Variants in BCAP29 observed in about 807,000 individuals in gnomAD.
The protein encoded by BCAP29 is B-cell receptor-associated protein 29.
A neutral mutation model predicts 31.8 loss-of-function variants in BCAP29; 34 were observed. The observed-to-expected ratio is 1.07, with a 90% CI of 0.81 to 1.42. BCAP29 has a LOEUF of 1.42. Ranked by LOEUF, BCAP29 falls within the 40% of genes most tolerant of loss-of-function variation. BCAP29 has a pLI of 0.00. For missense variants in BCAP29, 314 were observed against 269.2 expected (o/e 1.17, Z -1.16); for synonymous variants, 104 against 91.3 (o/e 1.14, Z -0.79).
In BCAP29 at chr7:107,605,779, C is replaced by T. The variant is rs575528755; in HGVS notation, c.589+5274C>T. ...CCTAGATATGCATGTTTACTACAAT[C>T]CTTCATGGTAAATACTTTTCTAATG... On this transcript the variant is annotated intron_variant, in intron 6 of 7. Transcript: ENST00000005259. Among the ~76,000 whole-genome samples the T allele has an allele frequency of 5.3e-5, 8 of 152,254 alleles. 2 individuals are homozygous for T. The highest frequency in any genetic ancestry group is 1.9e-4 in the African/African-American group (8 of 41,538).
At chr7:107,592,433 A>C (rs889837331) in intron 3 of BCAP29, among the ~76,000 whole-genome samples, 2 of 152,236 alleles carry the variant, frequency 1.3e-5, no homozygotes, top group African/African-American at 4.8e-5. Flanking sequence ...AAATATAATA[A>C]CAAGTGTTGC....
At chr7:107,601,213 TAA>T (rs1197934502) in intron 6 of BCAP29, among the ~76,000 whole-genome samples, 1 of 152,232 alleles carries the variant, frequency 6.6e-6, no homozygotes, top group Admixed American at 6.5e-5. Flanking sequence ...AAACTCAGTG[TAA>T]GTTTGTGGCT....
chr7:107,609,453 G>C (rs574715760), intron 6 of BCAP29, among the ~76,000 whole-genome samples: 35 of 152,282 alleles, frequency 2.3e-4, no homozygotes, highest in African/African-American at 8.4e-4. Flanking sequence ...TGAGGACAGT[G>C]GTCACAGAGC....
intron 2 of BCAP29, among the ~76,000 whole-genome samples, chr7:107,582,931 G>A (rs1026196903): frequency 1.7e-4 from 26 of 151,982 alleles, no homozygotes; most frequent in Admixed American, 1.1e-3. Flanking sequence ...AAAATGAACC[G>A]ATTCATCTGT....
chr7:107,614,942 A>G (rs1352775878), intron 7 of BCAP29, among the ~76,000 whole-genome samples: 1 of 152,246 alleles, frequency 6.6e-6, no homozygotes, highest in Non-Finnish European at 1.5e-5. Flanking sequence ...GTCACTTCAG[A>G]GACCTCTTGC....
At chr7:107,585,861 C>T (rs142924653) in intron 3 of BCAP29, among the ~76,000 whole-genome samples, 2,087 of 152,082 alleles carry the variant, frequency 0.014, 43 homozygotes, top group African/African-American at 0.046. Flanking sequence ...CATGGGGGCG[C>T]GTGCCTGTAA....
At chr7:107,580,990 A>G in intron 2 of BCAP29, 126 bp downstream of exon 2, 1 of 571,176 alleles carries the variant, frequency 1.8e-6, no homozygotes, top group East Asian at 3.4e-5. Context: ...CGAATTAGGT[A>G]GTATATAATG....
intron 4 of BCAP29, 28 bp downstream of exon 4, chr7:107,594,133 A>G (rs774954760): frequency 6.4e-7 from 1 of 1,562,174 alleles, no homozygotes; most frequent in African/African-American, 1.4e-5. Flanking sequence ...ATAGAAGCAC[A>G]ATTTAAAAAC....
chr7:107,600,591 A>G, intron 6 of BCAP29, 86 bp downstream of exon 6: 1 of 686,078 alleles, frequency 1.5e-6, no homozygotes, highest in Non-Finnish European at 2.4e-6. Context: ...AAACAAAACT[A>G]ATGCCTAAAT....
chr7:107,613,596 G>A, intron 7 of BCAP29, 164 bp downstream of exon 7: 1 of 1,493,094 alleles, frequency 6.7e-7, no homozygotes. Flanking sequence ...GTAAAGATTA[G>A]GACATTGCAG....
intron 5 of BCAP29, among the ~76,000 whole-genome samples, chr7:107,599,314 T>TATATATATATAA (rs1440512607): frequency 9.5e-6 from 1 of 105,398 alleles, no homozygotes; most frequent in Non-Finnish European, 1.6e-5. Context: ...AAATTTTATA[T>TATATATATATAA]ATATATATAT....
chr7:107,598,621 G>A (rs1326581019), intron 5 of BCAP29, among the ~76,000 whole-genome samples: 1 of 152,020 alleles, frequency 6.6e-6, no homozygotes, highest in Non-Finnish European at 1.5e-5. Context: ...AAAAATATTT[G>A]CATGTAGTCA....
chr7:107,599,337 G>GCA (rs1232849860), intron 5 of BCAP29, among the ~76,000 whole-genome samples: 1 of 49,484 alleles, frequency 2.0e-5, no homozygotes. Context: ...ATATATATAT[G>GCA]CACACATATA....
At chr7:107,580,958 CTT>C in intron 2 of BCAP29, 94 bp downstream of exon 2, 1 of 876,876 alleles carries the variant, frequency 1.1e-6, no homozygotes, top group Non-Finnish European at 1.7e-6. Context: ...TTTCGAAAGT[CTT>C]TGAAAATAAA....
At chr7:107,589,850 C>T (rs1474651953) in intron 3 of BCAP29, among the ~76,000 whole-genome samples, 4 of 152,152 alleles carry the variant, frequency 2.6e-5, no homozygotes, top group Non-Finnish European at 4.4e-5. Context: ...GACAGACTTT[C>T]GCTTTGTTGC....
intron 6 of BCAP29, among the ~76,000 whole-genome samples, chr7:107,612,207 A>C (rs1006676830): frequency 2.0e-5 from 3 of 151,702 alleles, no homozygotes; most frequent in Non-Finnish European, 4.4e-5. Context: ...TTCCAAATGT[A>C]GAACTTCTGA....
rs1563122582 is a variant in BCAP29 at position 107,580,745 on chromosome 7, G to T, written c.-14-14G>T. 6.5e-7 allele frequency: 1 copy of T among 1,550,196 alleles called. No homozygotes were observed. Among genetic ancestry groups the T allele is most frequent in the Non-Finnish European group, 8.8e-7 (1 of 1,136,922 alleles). The stretch of plus-strand genomic sequence containing the variant: ...TGAAAGGAAGCAAGAGAAAATAAGT[G>T]TTTTTCCATTTAGGTGTGAAGAAAA... On this transcript the variant is annotated splice_polypyrimidine_tract_variant and intron_variant, in intron 1 of 7. Coordinates refer to ENST00000005259, the MANE Select transcript of BCAP29 (RefSeq NM_018844.4).
chr7:107,610,707 G>A (rs993299609), intron 6 of BCAP29, among the ~76,000 whole-genome samples: 2 of 152,088 alleles, frequency 1.3e-5, no homozygotes, highest in Non-Finnish European at 2.9e-5. Flanking sequence ...CATTTGTTCC[G>A]TTAATAACTT....
rs147255358 is a variant in BCAP29 at position 107,612,536 on chromosome 7, T to A, written c.590-796T>A. Among the ~76,000 whole-genome samples the A allele has an allele frequency of 1.1e-3, 160 of 151,084 alleles. 1 individual carries two copies. In the East Asian group the frequency reaches 0.03, roughly 28 times the overall value. On this transcript the variant is annotated intron_variant, in intron 6 of 7. Transcript: ENST00000005259. ...AATATATAGTAATTCTTGTGTGCCA[T>A]TATCTTGAGGAGCAGGATGTTTGCA...
Sources: gnomAD v4.1 joint callset for allele counts (sites outside exome capture counted in the v4.1 genomes callset) on GRCh38, gnomAD v4.1.1 for gene constraint, MANE v1.5 for transcripts, NCBI Gene and HGNC (gene_info 2026-07-23, HGNC 2026-07-21) for gene names.